PDE1C: variants seen among roughly 807,000 people sequenced by gnomAD.
PDE1C encodes phosphodiesterase 1C, also known as dual specificity calcium/calmodulin-dependent 3',5'-cyclic nucleotide phosphodiesterase 1C.
A neutral mutation model predicts 93.1 loss-of-function variants in PDE1C; 62 were observed. The observed-to-expected ratio is 0.67, with a 90% CI of 0.54 to 0.82. PDE1C has a LOEUF of 0.82. PDE1C is among the 40% of genes least tolerant of loss of function. PDE1C has a pLI of 0.00. For missense variants in PDE1C, 742 were observed against 884.6 expected (o/e 0.84, Z 2.04); for synonymous variants, 325 against 310.1 (o/e 1.05, Z -0.50).
At chr7:31,683,829 ATAAT>A in the PDE1C span, among the ~76,000 whole-genome samples, 1,065 of 152,358 alleles carry the variant, frequency 7.0e-3, 7 homozygotes, top group Admixed American at 0.012. Context: ...CATTTTATAA[ATAAT>A]TCTTATTCAT....
intron 16 of PDE1C, among the ~76,000 whole-genome samples, chr7:31,807,184 G>A (rs1367908252): frequency 6.6e-6 from 1 of 151,880 alleles, no homozygotes; most frequent in African/African-American, 2.4e-5. Context: ...TCATGATTAT[G>A]TTTGTGTGCA....
chr7:32,176,543 A>T (rs548047246), intron 2 of PDE1C, among the ~76,000 whole-genome samples: 1 of 152,194 alleles, frequency 6.6e-6, no homozygotes, highest in Non-Finnish European at 1.5e-5. Context: ...AAAATTTACA[A>T]ATCCTAAAAT....
chr7:31,618,391 C>A, the PDE1C span, among the ~76,000 whole-genome samples: 1 of 152,178 alleles, frequency 6.6e-6, no homozygotes, highest in Non-Finnish European at 1.5e-5. Flanking sequence ...CACACCACTA[C>A]TAATTAGGCT....
At chr7:32,225,568 C>T (rs940696701) in intron 1 of PDE1C, among the ~76,000 whole-genome samples, 2 of 152,058 alleles carry the variant, frequency 1.3e-5, no homozygotes, top group African/African-American at 2.4e-5. Flanking sequence ...TGGAACAAGA[C>T]CCTGAGGAAA....
chr7:32,180,622 G>T (rs367807676), intron 2 of PDE1C, among the ~76,000 whole-genome samples: 191 of 152,234 alleles, frequency 1.3e-3, no homozygotes, highest in African/African-American at 4.5e-3. Flanking sequence ...CTTGATCTTG[G>T]ATATTCATTC....
At chr7:32,298,466 GA>G (rs1016764004) in intron 1 of PDE1C, among the ~76,000 whole-genome samples, 1 of 152,108 alleles carries the variant, frequency 6.6e-6, no homozygotes. Flanking sequence ...TGCCGGGGGG[GA>G]CAGCCCAGGG....
At chr7:32,124,990 T>G (rs1259353869) in intron 3 of PDE1C, among the ~76,000 whole-genome samples, 1 of 152,022 alleles carries the variant, frequency 6.6e-6, no homozygotes, top group Non-Finnish European at 1.5e-5. Flanking sequence ...AGATCTAATA[T>G]CCAGAATTTA....
chr7:32,271,178 G>A (rs566004267), intron 1 of PDE1C, among the ~76,000 whole-genome samples: 15 of 152,200 alleles, frequency 9.9e-5, no homozygotes, highest in Non-Finnish European at 1.8e-4. Flanking sequence ...GGGCTCTGCT[G>A]AGGGTTAAAT....
At chr7:31,966,919 A>G (rs1364201846) in intron 2 of PDE1C, among the ~76,000 whole-genome samples, 1 of 152,156 alleles carries the variant, frequency 6.6e-6, no homozygotes, top group Non-Finnish European at 1.5e-5. Context: ...AATGAGAACA[A>G]AGACACAACA....
At chr7:32,416,284 G>A (rs1035920930) in intron 1 of PDE1C, among the ~76,000 whole-genome samples, 2 of 152,178 alleles carry the variant, frequency 1.3e-5, no homozygotes, top group African/African-American at 4.8e-5. Context: ...GGTGCTCAGG[G>A]AATGCCCCGG....
intron 3 of PDE1C, among the ~76,000 whole-genome samples, chr7:32,122,971 C>T (rs1799380223): frequency 6.6e-6 from 1 of 151,938 alleles, no homozygotes; most frequent in African/African-American, 2.4e-5. Flanking sequence ...GCTAGCTAGA[C>T]TAATAAAGAA....
chr7:32,265,266 T>A (rs1810489581), intron 1 of PDE1C, among the ~76,000 whole-genome samples: 1 of 152,194 alleles, frequency 6.6e-6, no homozygotes, highest in Non-Finnish European at 1.5e-5. Flanking sequence ...TGATGAGGTT[T>A]GAGTGAAGCT....
At chr7:32,219,013 A>T (rs567049055) in intron 1 of PDE1C, among the ~76,000 whole-genome samples, 1 of 152,236 alleles carries the variant, frequency 6.6e-6, no homozygotes, top group African/African-American at 2.4e-5. Context: ...TTCCTGGTAC[A>T]TATCATTCAA....
At position 32,420,392 on chromosome 7, in the gene PDE1C, T is replaced by TATATATGTGTATATATATATAC. The variant is rs1785406055; in HGVS notation, c.310+7429_310+7430insGTATATATATATACACATATAT. On this transcript the variant is annotated intron_variant, in intron 1 of 1. Coordinates refer to the PDE1C transcript ENST00000672256. The stretch of plus-strand genomic sequence containing the variant: ...GTATATATATGTGTATATATATATA[T>TATATATGTGTATATATATATAC]ACACACACACACACACACACACATA... 6.1e-5 allele frequency among the ~76,000 whole-genome samples: 2 copies of TATATATGTGTATATATATATAC among 32,876 alleles called. 1 individual carries two copies. The highest frequency in any genetic ancestry group is 1.2e-4 in the Non-Finnish European group (2 of 16,776). 21.6% of individuals were successfully genotyped at this position (32,876 alleles called of 152,430 possible).
At position 31,795,607 on chromosome 7, in the gene PDE1C, T is replaced by C. The variant is rs78890327; in HGVS notation, c.1891+13424A>G. Among the ~76,000 whole-genome samples the C allele has an allele frequency of 3.8e-3, 575 of 151,986 alleles. 4 individuals are homozygous for C. The highest frequency in any genetic ancestry group is 0.013 in the African/African-American group (551 of 41,518). ...AAGAAAAGTTGTTCAGAAAGTCTAA[T>C]TTTATCATTAACAAAGAGTTCATAA... is the stretch of plus-strand genomic sequence containing the variant. On this transcript the variant is annotated intron_variant, in intron 16 of 17. Transcript: ENST00000396191.
intron 2 of PDE1C, among the ~76,000 whole-genome samples, chr7:32,035,241 C>T (rs748512351): frequency 6.6e-6 from 1 of 152,050 alleles, no homozygotes; most frequent in Non-Finnish European, 1.5e-5. Context: ...ATGCCTGCCC[C>T]AAGATAAACT....
chr7:32,212,926 A>C (rs1156511386), intron 1 of PDE1C, among the ~76,000 whole-genome samples: 1 of 152,130 alleles, frequency 6.6e-6, no homozygotes, highest in Non-Finnish European at 1.5e-5. Flanking sequence ...GAGGCCCAAG[A>C]ATTTACATGT....
intron 1 of PDE1C, among the ~76,000 whole-genome samples, chr7:32,377,754 G>A (rs1052914340): frequency 1.3e-5 from 2 of 152,146 alleles, no homozygotes; most frequent in African/African-American, 2.4e-5. Context: ...CTAGTAAATG[G>A]TGGAATTGGG....
At chr7:32,054,455 T>C (rs1793785189) in intron 1 of PDE1C, among the ~76,000 whole-genome samples, 1 of 152,186 alleles carries the variant, frequency 6.6e-6, no homozygotes, top group African/African-American at 2.4e-5. Context: ...CATTCTAAGA[T>C]TTTTAGGCCC....
Sources: gnomAD v4.1 joint callset for allele counts (sites outside exome capture counted in the v4.1 genomes callset) on GRCh38, gnomAD v4.1.1 for gene constraint, MANE v1.5 for transcripts, NCBI Gene and HGNC (gene_info 2026-07-23, HGNC 2026-07-21) for gene names.